The following RALYL variants were observed in gnomAD, a reference collection of about 807,000 sequenced individuals.
RALYL encodes the protein RALY RNA binding protein like.
RALYL carries 29 observed loss-of-function variants against 35.1 expected under a neutral mutation model. The observed-to-expected ratio is 0.83, with a 90% confidence interval of 0.61 to 1.13. RALYL has a LOEUF of 1.13. Among genes scored for constraint, RALYL ranks in the 50% most tolerant of loss-of-function variants. The pLI, the probability that RALYL is intolerant of heterozygous loss-of-function variation, is 0.00. For missense variants in RALYL, 359 were observed against 360.4 expected (o/e 1.00, Z 0.03); for synonymous variants, 120 against 127.6 (o/e 0.94, Z 0.40).
intron 8 of RALYL, among the ~76,000 whole-genome samples, chr8:84,905,948 C>A (rs921424581): frequency 6.6e-6 from 1 of 151,884 alleles, no homozygotes; most frequent in Non-Finnish European, 1.5e-5. Flanking sequence ...GTTTTGAATA[C>A]GTAAAATATT....
At chr8:84,687,450 T>C (rs1224726669) in intron 2 of RALYL, among the ~76,000 whole-genome samples, 2 of 152,130 alleles carry the variant, frequency 1.3e-5, no homozygotes, top group Non-Finnish European at 2.9e-5. Context: ...ATTAGGTTAA[T>C]TGATTTCCTG....
chr8:84,289,238 A>G (rs1360160720), intron 1 of RALYL, among the ~76,000 whole-genome samples: 2 of 152,184 alleles, frequency 1.3e-5, no homozygotes, highest in Non-Finnish European at 2.9e-5. Context: ...CAGGTCCTTG[A>G]GAAAGAGATT....
chr8:84,641,548 T>G (rs758723791), intron 2 of RALYL, among the ~76,000 whole-genome samples: 3 of 151,918 alleles, frequency 2.0e-5, no homozygotes, highest in Non-Finnish European at 4.4e-5. Context: ...TACAAGTATT[T>G]ATGTCATTAA....
intron 1 of RALYL, among the ~76,000 whole-genome samples, chr8:84,361,319 T>G (rs1017019080): frequency 2.0e-5 from 3 of 152,158 alleles, no homozygotes; most frequent in Admixed American, 6.5e-5. Context: ...CACTCCAATA[T>G]TCAAGCCCTT....
chr8:84,385,475 A>G (rs1309064313), intron 1 of RALYL, among the ~76,000 whole-genome samples: 1 of 151,822 alleles, frequency 6.6e-6, no homozygotes, highest in Non-Finnish European at 1.5e-5. Context: ...TTAGAACAAA[A>G]GGGACAAGGA....
At chr8:84,779,608 C>T (rs770113688) in intron 3 of RALYL, among the ~76,000 whole-genome samples, 1 of 152,170 alleles carries the variant, frequency 6.6e-6, no homozygotes, top group Non-Finnish European at 1.5e-5. Flanking sequence ...CAAGTCATTT[C>T]AAGAGTCTTT....
At chr8:84,531,887 C>T (rs1042269586) in intron 2 of RALYL, among the ~76,000 whole-genome samples, 1 of 151,936 alleles carries the variant, frequency 6.6e-6, no homozygotes, top group Non-Finnish European at 1.5e-5. Flanking sequence ...CTTACATGCA[C>T]AAACCCAAGG....
chr8:84,293,132 T>G (rs1839084138), intron 1 of RALYL, among the ~76,000 whole-genome samples: 1 of 152,168 alleles, frequency 6.6e-6, no homozygotes, highest in Non-Finnish European at 1.5e-5. Context: ...GAACTACTAC[T>G]AAGTTTAACT....
intron 4 of RALYL, among the ~76,000 whole-genome samples, chr8:84,814,509 A>G (rs1198169880): frequency 6.6e-6 from 1 of 152,228 alleles, no homozygotes; most frequent in Non-Finnish European, 1.5e-5. Context: ...CATTTTTAAT[A>G]TGCATCTCAT....
At chr8:84,838,105 G>A (rs945032461) in intron 4 of RALYL, among the ~76,000 whole-genome samples, 3 of 152,116 alleles carry the variant, frequency 2.0e-5, no homozygotes, top group Admixed American at 6.6e-5. Context: ...AGTTTATGAG[G>A]GAGAAAAGGG....
intron 2 of RALYL, among the ~76,000 whole-genome samples, chr8:84,643,265 G>T (rs1826779640): frequency 6.6e-6 from 1 of 150,876 alleles, no homozygotes; most frequent in Non-Finnish European, 1.5e-5. Flanking sequence ...AAATACAAAT[G>T]CATAAAACAC....
chr8:84,784,410 TA>T, intron 3 of RALYL, among the ~76,000 whole-genome samples: 1 of 152,212 alleles, frequency 6.6e-6, no homozygotes, highest in East Asian at 1.9e-4. Flanking sequence ...GTCTCACTCT[TA>T]CAATGTGAAT....
At chr8:84,766,729 A>AC (rs1466044959) in intron 2 of RALYL, among the ~76,000 whole-genome samples, 3 of 147,346 alleles carry the variant, frequency 2.0e-5, no homozygotes, top group African/African-American at 7.4e-5. Context: ...TCAAAAAAAA[A>AC]AAAAAAAAAA....
intron 1 of RALYL, among the ~76,000 whole-genome samples, chr8:84,359,570 T>C (rs1307984130): frequency 6.6e-6 from 1 of 152,116 alleles, no homozygotes; most frequent in East Asian, 1.9e-4. Context: ...ATGTTCTTTG[T>C]CTAATCACTT....
chr8:84,307,397 C>A (rs1842019279), intron 1 of RALYL, among the ~76,000 whole-genome samples: 1 of 152,096 alleles, frequency 6.6e-6, no homozygotes, highest in East Asian at 1.9e-4. Flanking sequence ...AAGGTTAGCC[C>A]AGATGAAACA....
chr8:84,764,639 C>T (rs185791546), intron 2 of RALYL, among the ~76,000 whole-genome samples: 7 of 152,254 alleles, frequency 4.6e-5, no homozygotes, highest in Admixed American at 1.3e-4. Context: ...TCTGGCCAAC[C>T]AATGATCTCT....
intron 2 of RALYL, among the ~76,000 whole-genome samples, chr8:84,740,284 C>G (rs1421091430): frequency 6.6e-6 from 1 of 151,910 alleles, no homozygotes; most frequent in East Asian, 1.9e-4. Flanking sequence ...AAGTCAGTTA[C>G]TCTCTGCAGG....
intron 4 of RALYL, among the ~76,000 whole-genome samples, chr8:84,830,108 C>A (rs534946296): frequency 1.3e-5 from 2 of 151,046 alleles, no homozygotes; most frequent in Admixed American, 6.6e-5. Flanking sequence ...AACATAGATG[C>A]TTATTTGCAG....
intron 1 of RALYL, among the ~76,000 whole-genome samples, chr8:84,497,642 G>GTTTTTTTTTTTT (rs71271999): frequency 2.7e-4 from 32 of 117,232 alleles, no homozygotes; most frequent in Non-Finnish European, 3.5e-4. Flanking sequence ...TTTTGTTTTT[G>GTTTTTTTTTTTT]TTTTTTTTTT....
Sources: allele counts gnomAD v4.1 joint callset (sites outside exome capture counted in the v4.1 genomes callset), GRCh38; gene constraint gnomAD v4.1.1; transcripts MANE v1.5; gene names NCBI Gene and HGNC (gene_info 2026-07-23, HGNC 2026-07-21).